PALMD: variants seen among roughly 807,000 people sequenced by gnomAD.
PALMD encodes paralemmin-like protein.
A neutral mutation model predicts 56.2 loss-of-function variants in PALMD; 42 were observed. The observed-to-expected ratio is 0.75, with a 90% CI of 0.58 to 0.97. PALMD has a LOEUF of 0.97. Ranked by LOEUF, PALMD falls within the 50% of genes least tolerant of loss-of-function variation. The pLI is 0.00. For synonymous variants in PALMD, 242 were observed against 222.9 expected, an observed-to-expected ratio of 1.09 and a Z score of -0.76; for missense variants, 660 against 643.8, an observed-to-expected ratio of 1.03 and a Z score of -0.27.
intron 3 of PALMD, among the ~76,000 whole-genome samples, chr1:99,679,712 A>G (rs1215216087): frequency 6.6e-6 from 1 of 152,186 alleles, no homozygotes; most frequent in Non-Finnish European, 1.5e-5. Context: ...GCTCCTAAGA[A>G]TCAATTTTTT....
rs749638006 is a variant in PALMD at position 99,688,964 on chromosome 1, C to T, written c.704C>T (p.Ala235Val). Residue 235 changes from alanine (A) to valine (V), a missense_variant, in exon 7 of 8, where the codon GCA (alanine) becomes GTA (valine). Physicochemically the swap from Ala to Val is moderately conservative, Grantham distance 64. Transcript: ENST00000263174. ...SAAYNGTDGL[A>V]PVEVEELLRQ... Reference sequence around the variant, plus strand: ...GCATACAATGGCACCGATGGCCTGGCACCAGTTGAAGTAGAGGAACTTCTA... The same window carrying T: ...GCATACAATGGCACCGATGGCCTGGTACCAGTTGAAGTAGAGGAACTTCTA... 6.2e-7 allele frequency: 1 copy of T among 1,613,336 alleles called. No individual in the cohort carries two copies. Among genetic ancestry groups the T allele is most frequent in the East Asian group, 2.2e-5 (1 of 44,870 alleles).
chr1:99,652,305 G>T (rs945855919), intron 1 of PALMD, among the ~76,000 whole-genome samples: 11 of 152,040 alleles, frequency 7.2e-5, no homozygotes, highest in Admixed American at 7.2e-4. Context: ...CCCTGTTCAG[G>T]ACTTCCGTAG....
At chr1:99,684,494 A>G (rs983351788) in intron 3 of PALMD, 1 of 151,952 alleles carries the variant, frequency 6.6e-6, no homozygotes, top group Non-Finnish European at 1.5e-5. Flanking sequence ...TTTTAAAAGA[A>G]TGAATGAATA....
At chr1:99,683,086 G>A (rs1158537858) in intron 3 of PALMD, among the ~76,000 whole-genome samples, 3 of 16,548 alleles carry the variant, frequency 1.8e-4, no homozygotes, top group African/African-American at 5.5e-4. Flanking sequence ...GAGAGAGAGA[G>A]AGAGAAAGAA....
At chr1:99,678,223 C>G (rs1160765759) in intron 3 of PALMD, among the ~76,000 whole-genome samples, 3 of 151,286 alleles carry the variant, frequency 2.0e-5, no homozygotes, top group African/African-American at 7.4e-5. Flanking sequence ...CCTGACTCAG[C>G]CTCCCGAGTA....
intron 1 of PALMD, among the ~76,000 whole-genome samples, chr1:99,652,457 A>T (rs1187085443): frequency 6.6e-6 from 1 of 152,040 alleles, no homozygotes; most frequent in Non-Finnish European, 1.5e-5. Flanking sequence ...TACAAAAATT[A>T]GCTGGGCATG....
intron 1 of PALMD, among the ~76,000 whole-genome samples, chr1:99,656,458 C>A (rs1652727474): frequency 1.3e-5 from 2 of 152,074 alleles, no homozygotes; most frequent in South Asian, 4.1e-4. Flanking sequence ...CGCTAGTGTT[C>A]TTTTCAGACC....
Position 99,686,942 on chromosome 1 carries a change from GA to G in PALMD, c.382del (p.Arg128GlufsTer28). ...TTTTTTCTTACAGTCTGTGAAAGTG[GA>G]AAGAGAAGAAAGAGCAGAAGGTATG... ...TEDIIRSVKV[E>X]REERAEESIE... On this transcript the variant is annotated frameshift_variant, in exon 5 of 8. Transcript: ENST00000263174. LOFTEE classifies it high-confidence loss of function. 6.3e-7 allele frequency: 1 copy of G among 1,575,478 alleles called. No individual in the cohort carries two copies. The highest frequency in any genetic ancestry group is 8.7e-7 in the Non-Finnish European group (1 of 1,148,676).
At chr1:99,681,111 G>A (rs779795347) in intron 3 of PALMD, among the ~76,000 whole-genome samples, 2,045 of 126,170 alleles carry the variant, frequency 0.016, 17 homozygotes, top group African/African-American at 0.023. Context: ...ATATATGTGT[G>A]TGTGTGTGTG....
chr1:99,673,480 G>GA (rs201212397), intron 3 of PALMD, among the ~76,000 whole-genome samples: 1,753 of 148,982 alleles, frequency 0.012, 25 homozygotes, highest in African/African-American at 0.033. Context: ...GACAACATAA[G>GA]AAAAAAAAAG....
In PALMD at chr1:99,662,379, C is replaced by T; in HGVS notation, c.106C>T (p.Leu36=). 2 of 1,561,816 alleles carry T rather than the reference C, an allele frequency of 1.3e-6. No individual in the cohort carries two copies. Among genetic ancestry groups the T allele is most frequent in the Non-Finnish European group, 1.8e-6 (2 of 1,140,150 alleles). ...GCGTCTGAAAATAGAGGAAGACAAA[C>T]TAAAGCACCAGCATTTGAAGGTAAT... ...QKRLKIEEDK[L]KHQHLKKKAL... The change falls in exon 2 of 8, where the codon CTA becomes TTA. Residue 36 remains leucine (L), a synonymous_variant. Coordinates refer to ENST00000263174, the MANE Select transcript of PALMD (RefSeq NM_017734.5).
At chr1:99,646,447 TC>T in intron 1 of PALMD, 85 bp downstream of exon 1, 1 of 994,942 alleles carries the variant, frequency 1.0e-6, no homozygotes, top group South Asian at 1.3e-5. Context: ...CGCTGAGCCC[TC>T]GCAAGTGGAA....
intron 1 of PALMD, among the ~76,000 whole-genome samples, chr1:99,655,047 T>C (rs1473808217): frequency 6.6e-6 from 1 of 152,096 alleles, no homozygotes; most frequent in Non-Finnish European, 1.5e-5. Context: ...CCAGAATCAA[T>C]AGTTAGAGAA....
chr1:99,667,602 G>C, intron 2 of PALMD, 40 bp from the exon 3 acceptor site: 1 of 1,572,248 alleles, frequency 6.4e-7, no homozygotes, highest in South Asian at 1.1e-5. Context: ...GGAAATTATT[G>C]ACCAATATAA....
chr1:99,673,511 A>T (rs375883549), intron 3 of PALMD, among the ~76,000 whole-genome samples: 2 of 152,118 alleles, frequency 1.3e-5, no homozygotes. Flanking sequence ...AAACTCTACC[A>T]TTTGTTTCTT....
chr1:99,675,242 T>TA (rs933282425), intron 3 of PALMD, among the ~76,000 whole-genome samples: 2 of 152,170 alleles, frequency 1.3e-5, no homozygotes, highest in Admixed American at 1.3e-4. Flanking sequence ...TAGTCAGGGA[T>TA]AAATGTTAAG....
intron 1 of PALMD, among the ~76,000 whole-genome samples, chr1:99,660,397 TC>T (rs1652821114): frequency 6.6e-6 from 1 of 152,218 alleles, no homozygotes; most frequent in Admixed American, 6.5e-5. Flanking sequence ...TTTCCTTTTT[TC>T]AAATGGAAAT....
At chr1:99,672,546 A>G (rs1653109859) in intron 3 of PALMD, among the ~76,000 whole-genome samples, 1 of 152,084 alleles carries the variant, frequency 6.6e-6, no homozygotes, top group Non-Finnish European at 1.5e-5. Flanking sequence ...TGACACCCCC[A>G]GTAAGTCTCC....
rs1353776124 is a variant in PALMD at position 99,662,207 on chromosome 1, C to G, written c.46-112C>G. On this transcript the variant is annotated intron_variant, in intron 1 of 7. Coordinates refer to ENST00000263174, the MANE Select transcript of PALMD (RefSeq NM_017734.5). ...TAGGAGTTTCCAAAGCAGCTTCACA[C>G]CAATGCCAAAAAAATATCAGTAACG... The G allele has an allele frequency of 4.6e-6, 3 of 657,034 alleles. No individual in the cohort carries two copies. The African/African-American group carries it at 5.6e-5, about 12-fold the overall frequency. 40.7% of individuals were successfully genotyped at this position (657,034 alleles called of 1,614,324 possible). A position where few individuals can be genotyped will look rare whatever the true frequency, so the allele number is the denominator to read the frequency against.
Sources: allele counts gnomAD v4.1 joint callset (sites outside exome capture counted in the v4.1 genomes callset), GRCh38; gene constraint gnomAD v4.1.1; transcripts MANE v1.5; gene names NCBI Gene and HGNC (gene_info 2026-07-23, HGNC 2026-07-21).